The following NSD2 variants were observed in gnomAD, a reference collection of about 807,000 sequenced individuals.
NSD2 encodes nuclear receptor binding SET domain protein 2.
NSD2 carries 12 observed loss-of-function variants against 139.0 expected under a neutral mutation model. The ratio of observed to expected loss-of-function variants is 0.09; its 90% CI spans 0.06 to 0.14. The LOEUF (loss-of-function observed/expected upper bound fraction) is 0.14. Among genes scored for constraint, NSD2 ranks in the 10% least tolerant of loss-of-function variants. The pLI, the probability that NSD2 is intolerant of heterozygous loss-of-function variation, is 1.00. For missense variants in NSD2, 1,155 were observed against 1,745.0 expected (o/e 0.66, Z 6.02); for synonymous variants, 669 against 648.7 (o/e 1.03, Z -0.48).
Position 1,959,584 on chromosome 4 carries a change from G to C in NSD2, c.3099G>C (p.Leu1033=), listed in dbSNP as rs777540391. 25 of 1,614,076 alleles carry C rather than the reference G, an allele frequency of 1.5e-5. No homozygotes were observed. The highest frequency in any genetic ancestry group is 4.5e-5 in the East Asian group (2 of 44,892). ...CTTGTGGCTTTGATTCGGAGTGTCT[G>C]AACAGGATGCTGATGTTTGAGTGCC... ...ENPCGFDSEC[L]NRMLMFECHP... Residue 1033 remains leucine (L), a synonymous_variant, in exon 17 of 22, where the codon CTG becomes CTC. Coordinates refer to ENST00000508803, the MANE Select transcript of NSD2 (RefSeq NM_001042424.3).
intron 5 of NSD2, among the ~76,000 whole-genome samples, chr4:1,925,599 A>T (rs1428300917): frequency 1.2e-4 from 18 of 150,474 alleles, no homozygotes; most frequent in Non-Finnish European, 2.4e-4. Context: ...GGGTTTCATT[A>T]TGTTGGCCAG....
At position 1,938,416 on chromosome 4, in the gene NSD2, CTTTTTTTTTTTTT is replaced by C. The variant is rs746279426; in HGVS notation, c.1675-22_1675-10del. 36 of 325,864 alleles carry C rather than the reference CTTTTTTTTTTTTT, an allele frequency of 1.1e-4. No homozygotes were observed. The East Asian group carries it at 1.2e-3, about 11-fold the overall frequency. The allele number at this position is 325,864 out of a possible 1,614,324, so 20.2% of individuals were successfully genotyped here. On this transcript the variant is annotated intron_variant, in intron 7 of 21. Transcript: ENST00000508803. ...TTTTTCTTTTCTTTTTTTTTTCTTT[CTTTTTTTTTTTTT>C]TTTTTTTTTTTTAAATAATAGAGAG...
At chr4:1,936,794 C>T (rs753928403) in intron 7 of NSD2, among the ~76,000 whole-genome samples, 9 of 151,644 alleles carry the variant, frequency 5.9e-5, no homozygotes, top group Non-Finnish European at 1.0e-4. Context: ...ATGGAAAATA[C>T]ATCTCACATA....
intron 6 of NSD2, among the ~76,000 whole-genome samples, chr4:1,933,957 A>G (rs992765741): frequency 6.6e-6 from 1 of 152,140 alleles, no homozygotes; most frequent in African/African-American, 2.4e-5. Flanking sequence ...TAATTTGCAT[A>G]TATAAATGTT....
chr4:1,900,630 C>T lies in NSD2; in HGVS notation c.-25C>T. ...TTCTTTTTTTTAATACCATAGTGTT[C>T]TAAGAACGGAAGCATCTGGGCTGGA... On this transcript the variant is annotated 5_prime_UTR_variant, in exon 2 of 22. Transcript: ENST00000508803. 7 of 1,520,398 alleles carry T rather than the reference C, an allele frequency of 4.6e-6. No individual in the cohort carries two copies. Among genetic ancestry groups the T allele is most frequent in the Non-Finnish European group, 6.2e-6 (7 of 1,133,502 alleles). 94.2% of individuals were successfully genotyped at this position (1,520,398 alleles called of 1,614,324 possible). A position where few individuals can be genotyped will look rare whatever the true frequency, so the allele number is the denominator to read the frequency against.
chr4:1,965,231 A>C lies in NSD2; in HGVS notation c.3372+4080A>C, dbSNP rs1725768516. 2.6e-5 allele frequency among the ~76,000 whole-genome samples: 4 copies of C among 152,192 alleles called. No homozygotes were observed. In the South Asian group the frequency reaches 6.2e-4, roughly 24 times the overall value. On this transcript the variant is annotated intron_variant, in intron 18 of 21. Transcript: ENST00000508803. ...AGAAAACTAAAGGAAAACCTGCAGA[A>C]AGTCAAGAAAATCATGCATGAACAA... is the stretch of plus-strand genomic sequence containing the variant.
At chr4:1,892,489 A>G (rs771574118) in intron 1 of NSD2, among the ~76,000 whole-genome samples, 1 of 152,198 alleles carries the variant, frequency 6.6e-6, no homozygotes, top group Non-Finnish European at 1.5e-5. Flanking sequence ...ATAATTCCTA[A>G]GCACTTATTT....
chr4:1,981,937 T>TTAAA lies in NSD2; in HGVS notation c.*3031_*3034dup, dbSNP rs1234954734. On this transcript the variant is annotated 3_prime_UTR_variant, in exon 22 of 22. Coordinates refer to ENST00000508803, the MANE Select transcript of NSD2 (RefSeq NM_001042424.3). ...GAGGTGTGAAATGCCCCGTCAGAAATTAAATACAAACTTAAATGTGCCTAT... is the reference window on the plus strand; with the variant it reads ...GAGGTGTGAAATGCCCCGTCAGAAATTAAATAAATACAAACTTAAATGTGCCTAT... 5 of 398,456 alleles carry TTAAA rather than the reference T, an allele frequency of 1.3e-5. No homozygotes were observed. The allele number at this position is 398,456 out of a possible 1,614,324, so 24.7% of individuals were successfully genotyped here.
Position 1,951,233 on chromosome 4 carries a change from G to A in NSD2, c.2013+30G>A, listed in dbSNP as rs186016067. The stretch of plus-strand genomic sequence containing the variant: ...GGAGAAGGCAGCATCCGCTATGTCC[G>A]TGCTGGTGTCTGACTGGGGCCCCGG... On this transcript the variant is annotated intron_variant, in intron 10 of 21. Transcript: ENST00000508803. 1.6e-3 allele frequency: 2,593 copies of A among 1,613,020 alleles called. 4 individuals are homozygous for A. The highest frequency in any genetic ancestry group is 2.0e-3 in the Non-Finnish European group (2,320 of 1,179,268).
At chr4:1,946,348 A>T (rs1311197160) in intron 9 of NSD2, 1 of 545,210 alleles carries the variant, frequency 1.8e-6, no homozygotes, top group Admixed American at 6.2e-5. Context: ...GCTCACTGCA[A>T]CCTCCGCCTC....
chr4:1,963,353 T>C (rs1725557044), intron 18 of NSD2, among the ~76,000 whole-genome samples: 1 of 152,182 alleles, frequency 6.6e-6, no homozygotes, highest in South Asian at 2.1e-4. Flanking sequence ...GAGTACCCTG[T>C]GTAGACCCCT....
At chr4:1,940,535 C>T (rs1030407660) in intron 9 of NSD2, 1 of 1,064,470 alleles carries the variant, frequency 9.4e-7, no homozygotes, top group Non-Finnish European at 1.1e-6. Context: ...GTTTTGGTTT[C>T]CTGATTTTTA....
chr4:1,981,635 T>G lies in NSD2; in HGVS notation c.*2726T>G. On this transcript the variant is annotated 3_prime_UTR_variant, in exon 22 of 22. Transcript: ENST00000508803. Reference sequence around the variant, plus strand: ...GAAGTGAGAACCCAGCTGTCCGTCCTCAGGCCGGCCTTTCTTCCGGCGACA... The same window carrying G: ...GAAGTGAGAACCCAGCTGTCCGTCCGCAGGCCGGCCTTTCTTCCGGCGACA... 2.6e-6 allele frequency: 1 copy of G among 384,792 alleles called. No individual in the cohort carries two copies. Among genetic ancestry groups the G allele is most frequent in the South Asian group, 1.5e-4 (1 of 6,876 alleles). The allele number at this position is 384,792 out of a possible 1,614,324, so 23.8% of individuals were successfully genotyped here. A position where few individuals can be genotyped will look rare whatever the true frequency, so the allele number is the denominator to read the frequency against.
chr4:1,928,779 A>G lies in NSD2; in HGVS notation c.1411-1847A>G, dbSNP rs537879911. Reference sequence around the variant, plus strand: ...GGGAGGGCAGCAGGCCCGTGAAGGAATGTGCTGTGTTTGAGGAGGTGAGAG... The same window carrying G: ...GGGAGGGCAGCAGGCCCGTGAAGGAGTGTGCTGTGTTTGAGGAGGTGAGAG... On this transcript the variant is annotated intron_variant, in intron 5 of 21. Coordinates refer to ENST00000508803, the MANE Select transcript of NSD2 (RefSeq NM_001042424.3). Among the ~76,000 whole-genome samples the G allele has an allele frequency of 6.2e-4, 94 of 151,900 alleles. No individual in the cohort carries two copies. The Middle Eastern group carries it at 0.014, about 22-fold the overall frequency.
chr4:1,912,545 C>T (rs1718821107), intron 3 of NSD2, among the ~76,000 whole-genome samples: 1 of 151,500 alleles, frequency 6.6e-6, no homozygotes, highest in South Asian at 2.1e-4. Flanking sequence ...TTCAAGTATT[C>T]ATCTCCTCAT....
At chr4:1,902,914 T>G (rs1320694754) in intron 2 of NSD2, among the ~76,000 whole-genome samples, 1 of 152,050 alleles carries the variant, frequency 6.6e-6, no homozygotes, top group Non-Finnish European at 1.5e-5. Flanking sequence ...GTGGCTCACA[T>G]CTGTAATCCC....
intron 3 of NSD2, among the ~76,000 whole-genome samples, chr4:1,909,328 A>G (rs1246340363): frequency 6.6e-6 from 1 of 152,008 alleles, no homozygotes; most frequent in Non-Finnish European, 1.5e-5. Context: ...ACAGAATAGT[A>G]TGTAGGAGCC....
At chr4:1,885,382 G>GA in intron 1 of NSD2, among the ~76,000 whole-genome samples, 2 of 152,276 alleles carry the variant, frequency 1.3e-5, no homozygotes, top group East Asian at 1.9e-4. Flanking sequence ...TGCTGATTCA[G>GA]AAAAAATAAC....
intron 2 of NSD2, among the ~76,000 whole-genome samples, chr4:1,901,610 C>T (rs1462249972): frequency 2.0e-5 from 3 of 152,254 alleles, no homozygotes; most frequent in African/African-American, 7.2e-5. Flanking sequence ...ATCTCATCTC[C>T]AAGGTGTTCT....
Sources: gnomAD v4.1 joint callset for allele counts (sites outside exome capture counted in the v4.1 genomes callset) on GRCh38, gnomAD v4.1.1 for gene constraint, MANE v1.5 for transcripts, NCBI Gene and HGNC (gene_info 2026-07-23, HGNC 2026-07-21) for gene names.